Variants in TBCEL observed in about 807,000 individuals in gnomAD.
TBCEL encodes the protein tubulin folding cofactor E like.
In TBCEL, 15 loss-of-function variants were observed where a neutral mutation model predicts 44.2. The observed-to-expected ratio is 0.34, with a 90% CI of 0.23 to 0.52. The LOEUF (loss-of-function observed/expected upper bound fraction) is 0.52. TBCEL is among the 20% of genes least tolerant of loss of function. The pLI is 0.95. For synonymous variants in TBCEL, 171 were observed against 185.4 expected (o/e 0.92, Z 0.63); for missense variants, 319 against 506.3 (o/e 0.63, Z 3.55).
At chr11:121,025,088 A>G (rs1945022165) in intron 1 of TBCEL, among the ~76,000 whole-genome samples, 5 of 152,190 alleles carry the variant, frequency 3.3e-5, no homozygotes, top group Admixed American at 3.3e-4. Context: ...GTAGTTGAGG[A>G]AAGTTGGTTG....
chr11:121,077,128 T>C (rs1164031890), intron 8 of TBCEL, among the ~76,000 whole-genome samples: 2 of 152,016 alleles, frequency 1.3e-5, no homozygotes, highest in Non-Finnish European at 2.9e-5. Flanking sequence ...TGTCTTTGTC[T>C]TATTTTGATA....
chr11:121,029,454 A>G (rs1183620145), intron 1 of TBCEL, among the ~76,000 whole-genome samples: 1 of 152,234 alleles, frequency 6.6e-6, no homozygotes, highest in East Asian at 1.9e-4. Flanking sequence ...AGTCTTCACA[A>G]TAACTGTGAA....
At chr11:121,064,161 G>A (rs1945774955) in intron 8 of TBCEL, among the ~76,000 whole-genome samples, 1 of 152,132 alleles carries the variant, frequency 6.6e-6, no homozygotes, top group Non-Finnish European at 1.5e-5. Flanking sequence ...CTAAACCTAG[G>A]AATATGAAAT....
chr11:121,068,401 G>A (rs771289389), intron 8 of TBCEL, among the ~76,000 whole-genome samples: 111 of 149,346 alleles, frequency 7.4e-4, no homozygotes, highest in Non-Finnish European at 1.5e-3. Flanking sequence ...TTTTCTTTCA[G>A]TTCTACTTTC....
At chr11:121,055,395 C>T in intron 6 of TBCEL, 87 bp downstream of exon 6, 1 of 1,345,884 alleles carries the variant, frequency 7.4e-7, no homozygotes, top group Non-Finnish European at 9.7e-7. Context: ...CTTTCAGTCA[C>T]AGTTTTACCT....
rs1014833164 is a variant in TBCEL at position 121,090,560 on chromosome 11, T to G, written c.*3464T>G. The G allele has an allele frequency of 1.3e-5, 2 of 152,204 alleles. No homozygotes were observed. The highest frequency in any genetic ancestry group is 2.9e-5 in the Non-Finnish European group (2 of 68,000). The allele number at this position is 152,204 out of a possible 1,614,324, so 9.4% of individuals were successfully genotyped here. A position where few individuals can be genotyped will look rare whatever the true frequency, so the allele number is the denominator to read the frequency against. Reference sequence around the variant, plus strand: ...ACACTCTACTATTTTTCATAGGTGCTTCCTTGAAATATATGTCCATTGTAG... The same window carrying G: ...ACACTCTACTATTTTTCATAGGTGCGTCCTTGAAATATATGTCCATTGTAG... On this transcript the variant is annotated 3_prime_UTR_variant, in exon 9 of 9. Coordinates refer to ENST00000683345, the MANE Select transcript of TBCEL (RefSeq NM_001363644.2).
In TBCEL at chr11:121,045,014, T is replaced by C. The variant is rs78201421; in HGVS notation, c.-17-660T>C. Among the ~76,000 whole-genome samples, 712 of 152,264 alleles carry C rather than the reference T, an allele frequency of 4.7e-3. 5 individuals carry two copies. Among genetic ancestry groups the C allele is most frequent in the Middle Eastern group, 0.017 (5 of 294 alleles). The stretch of plus-strand genomic sequence containing the variant: ...GATGCAGAGCCCTTTCAGCAATTCG[T>C]CCCACTTTTCTTAGTGTATATTCCT... On this transcript the variant is annotated intron_variant, in intron 2 of 8. Transcript: ENST00000683345.
intron 8 of TBCEL, among the ~76,000 whole-genome samples, chr11:121,083,130 G>A (rs1946156100): frequency 6.6e-6 from 1 of 152,208 alleles, no homozygotes; most frequent in African/African-American, 2.4e-5. Context: ...CCAGGAGGAG[G>A]TTGAAACAGA....
intron 2 of TBCEL, among the ~76,000 whole-genome samples, chr11:121,044,900 T>C (rs1016960521): frequency 1.3e-5 from 2 of 152,094 alleles, no homozygotes; most frequent in African/African-American, 2.4e-5. Flanking sequence ...AGAAGAACAA[T>C]GGCTTAAGCA....
intron 7 of TBCEL, 120 bp downstream of exon 7, chr11:121,058,591 T>C (rs1185643149): frequency 9.4e-6 from 12 of 1,275,122 alleles, no homozygotes; most frequent in South Asian, 1.3e-5. Context: ...CAGACTGTGC[T>C]TGAGGGAGCT....
chr11:121,036,915 T>C (rs1201892230), intron 2 of TBCEL, among the ~76,000 whole-genome samples: 4 of 152,238 alleles, frequency 2.6e-5, no homozygotes, highest in Admixed American at 6.5e-5. Context: ...TAGATATATT[T>C]GCCACTAATA....
At chr11:121,074,720 C>T (rs181318916) in intron 8 of TBCEL, among the ~76,000 whole-genome samples, 27 of 152,058 alleles carry the variant, frequency 1.8e-4, no homozygotes, top group African/African-American at 6.3e-4. Context: ...AAATCTCATA[C>T]TCCTCAACCC....
intron 3 of TBCEL, among the ~76,000 whole-genome samples, chr11:121,046,958 A>G (rs1481782953): frequency 6.6e-6 from 1 of 152,018 alleles, no homozygotes. Context: ...TAATTGATAG[A>G]CAAGAGAGAG....
chr11:121,080,029 C>T (rs1946097428), intron 8 of TBCEL, among the ~76,000 whole-genome samples: 1 of 152,120 alleles, frequency 6.6e-6, no homozygotes, highest in Non-Finnish European at 1.5e-5. Context: ...GTTGGCCAGA[C>T]TGGTCACAAA....
Position 121,044,049 on chromosome 11 carries a change from TG to T in TBCEL, c.-17-1622del, listed in dbSNP as rs372854100. Among the ~76,000 whole-genome samples the T allele has an allele frequency of 3.3e-4, 50 of 152,216 alleles. No homozygotes were observed. The South Asian group carries it at 0.01, about 32-fold the overall frequency. Reference sequence around the variant, plus strand: ...ACCTGGTCACCTGAACTAGAAACCCTGGGAGTCATTTTTGACTTTACCTTCT... The same window carrying T: ...ACCTGGTCACCTGAACTAGAAACCCTGGAGTCATTTTTGACTTTACCTTCT... On this transcript the variant is annotated intron_variant, in intron 2 of 8. Coordinates refer to ENST00000683345, the MANE Select transcript of TBCEL (RefSeq NM_001363644.2).
At position 121,087,973 on chromosome 11, in the gene TBCEL, CT is replaced by C. The variant is rs1339774325; in HGVS notation, c.*882del. The C allele has an allele frequency of 5.9e-5, 9 of 152,180 alleles. No homozygotes were observed. Among genetic ancestry groups the C allele is most frequent in the Non-Finnish European group, 8.8e-5 (6 of 67,986 alleles). The allele number at this position is 152,180 out of a possible 1,614,324, so 9.4% of individuals were successfully genotyped here. On this transcript the variant is annotated 3_prime_UTR_variant, in exon 9 of 9. Coordinates refer to ENST00000683345, the MANE Select transcript of TBCEL (RefSeq NM_001363644.2). The stretch of plus-strand genomic sequence containing the variant: ...ATTGAATGTATTTCCTCATATCTTT[CT>C]TTTTCATTACTTTAAACTATTGGGA...
At chr11:121,032,411 A>G (rs1945162050) in intron 1 of TBCEL, among the ~76,000 whole-genome samples, 1 of 152,248 alleles carries the variant, frequency 6.6e-6, no homozygotes, top group Non-Finnish European at 1.5e-5. Context: ...GGGGAAATAT[A>G]GGATTAGGTT....
intron 8 of TBCEL, among the ~76,000 whole-genome samples, chr11:121,080,528 T>C (rs1229953131): frequency 6.6e-6 from 1 of 152,232 alleles, no homozygotes; most frequent in Non-Finnish European, 1.5e-5. Flanking sequence ...GCCTTCGCCA[T>C]TGGAAAGTCC....
chr11:121,027,886 A>G (rs1342020690), intron 1 of TBCEL, among the ~76,000 whole-genome samples: 1 of 152,148 alleles, frequency 6.6e-6, no homozygotes, highest in Non-Finnish European at 1.5e-5. Flanking sequence ...GACCAAGTAG[A>G]TCAGAATTGA....
Sources: allele counts gnomAD v4.1 joint callset (sites outside exome capture counted in the v4.1 genomes callset), GRCh38; gene constraint gnomAD v4.1.1; transcripts MANE v1.5; gene names NCBI Gene and HGNC (gene_info 2026-07-23, HGNC 2026-07-21).